BBS9: variants seen among roughly 807,000 people sequenced by gnomAD.
The protein encoded by BBS9 is protein PTHB1.
In BBS9, 89 loss-of-function variants were observed where a neutral mutation model predicts 117.7. The observed-to-expected ratio is 0.76, with a 90% CI of 0.64 to 0.90. The LOEUF (loss-of-function observed/expected upper bound fraction) is 0.90. BBS9 is among the 40% of genes least tolerant of loss of function. The probability of loss-of-function intolerance (pLI) is 0.00; values close to 1 mark genes in which losing one functional copy is unlikely to be tolerated. For synonymous variants in BBS9, 379 were observed against 370.9 expected, an observed-to-expected ratio of 1.02 and a Z score of -0.25; for missense variants, 982 against 1,042.2, an observed-to-expected ratio of 0.94 and a Z score of 0.80.
At chr7:33,629,318 T>C (rs2129227944) in intron 21 of BBS9, among the ~76,000 whole-genome samples, 1 of 152,346 alleles carries the variant, frequency 6.6e-6, no homozygotes, top group Middle Eastern at 3.4e-3. Context: ...GGGTTCTTGC[T>C]AAAATACTCT....
intron 1 of BBS9, among the ~76,000 whole-genome samples, chr7:33,141,822 C>A (rs1459345610): frequency 2.0e-5 from 3 of 151,930 alleles, no homozygotes; most frequent in African/African-American, 7.3e-5. Flanking sequence ...ATGATTTTGT[C>A]ATTTTGAGAG....
intron 21 of BBS9, among the ~76,000 whole-genome samples, chr7:33,553,890 G>A (rs931449122): frequency 5.3e-5 from 8 of 152,134 alleles, no homozygotes; most frequent in Non-Finnish European, 8.8e-5. Context: ...ATAATAAACA[G>A]CTATACAACT....
intron 21 of BBS9, among the ~76,000 whole-genome samples, chr7:33,538,252 A>C (rs1250881749): frequency 6.6e-6 from 1 of 152,260 alleles, no homozygotes; most frequent in Admixed American, 6.5e-5. Context: ...GATTTGATAA[A>C]TAAGATTAGG....
At chr7:33,176,071 C>G (rs1797290454) in intron 4 of BBS9, among the ~76,000 whole-genome samples, 1 of 152,124 alleles carries the variant, frequency 6.6e-6, no homozygotes, top group Non-Finnish European at 1.5e-5. Context: ...TACTCCTCTT[C>G]CTGGTACAAG....
chr7:33,306,107 T>C (rs1444090181), intron 9 of BBS9, among the ~76,000 whole-genome samples: 1 of 152,118 alleles, frequency 6.6e-6, no homozygotes. Flanking sequence ...CATTATCATT[T>C]GTTTCAAGAA....
chr7:33,503,315 G>A (rs747250105), intron 19 of BBS9, among the ~76,000 whole-genome samples: 12 of 152,140 alleles, frequency 7.9e-5, no homozygotes, highest in Non-Finnish European at 1.6e-4. Context: ...TTGCTGAGCC[G>A]CAGAGTTCTC....
At chr7:33,140,101 C>G (rs746889308) in intron 1 of BBS9, among the ~76,000 whole-genome samples, 1 of 152,118 alleles carries the variant, frequency 6.6e-6, no homozygotes, top group Non-Finnish European at 1.5e-5. Flanking sequence ...TCTTGGCTCA[C>G]TGCAAGCTCC....
intron 19 of BBS9, among the ~76,000 whole-genome samples, chr7:33,458,536 A>C (rs1174975855): frequency 6.6e-6 from 1 of 152,146 alleles, no homozygotes; most frequent in Non-Finnish European, 1.5e-5. Context: ...CTTTTTGCTA[A>C]AATAAGTAAC....
At chr7:33,581,278 A>G (rs887267537) in intron 21 of BBS9, among the ~76,000 whole-genome samples, 5 of 152,148 alleles carry the variant, frequency 3.3e-5, no homozygotes, top group Non-Finnish European at 5.9e-5. Flanking sequence ...ATAGCAGAGT[A>G]AGTTCTTCTC....
At chr7:33,172,250 G>T (rs182277128) in intron 4 of BBS9, among the ~76,000 whole-genome samples, 4 of 151,934 alleles carry the variant, frequency 2.6e-5, no homozygotes, top group Non-Finnish European at 4.4e-5. Flanking sequence ...ACATGGTGGC[G>T]GGCGCCTGTA....
intron 21 of BBS9, among the ~76,000 whole-genome samples, chr7:33,627,879 C>T (rs1441824478): frequency 6.6e-6 from 1 of 151,938 alleles, no homozygotes; most frequent in Non-Finnish European, 1.5e-5. Flanking sequence ...CCCATCTGTA[C>T]AAAAAAATAA....
upstream of BBS9, chr7:33,129,328 C>G: frequency 3.7e-6 from 2 of 540,998 alleles, no homozygotes; most frequent in Non-Finnish European, 6.6e-6. Context: ...GGAGGAGGGT[C>G]TTCCTTAAGG....
intron 15 of BBS9, among the ~76,000 whole-genome samples, chr7:33,356,840 C>A (rs919261163): frequency 1.3e-5 from 2 of 151,772 alleles, no homozygotes; most frequent in African/African-American, 4.8e-5. Context: ...CCTGACTCCT[C>A]TATAAAGAAA....
chr7:33,561,597 C>T (rs959853324), intron 21 of BBS9, among the ~76,000 whole-genome samples: 6 of 152,128 alleles, frequency 3.9e-5, no homozygotes, highest in South Asian at 2.1e-4. Flanking sequence ...AAAAATATGC[C>T]GTGCATCCAC....
intron 9 of BBS9, among the ~76,000 whole-genome samples, chr7:33,294,180 TATAA>T (rs1051308162): frequency 1.3e-5 from 2 of 152,174 alleles, no homozygotes; most frequent in Admixed American, 6.5e-5. Context: ...TAAGACTACT[TATAA>T]ATATTTTTCC....
chr7:33,405,851 C>T (rs1182304130), intron 19 of BBS9, among the ~76,000 whole-genome samples: 1 of 151,998 alleles, frequency 6.6e-6, no homozygotes, highest in African/African-American at 2.4e-5. Context: ...TCCTTCAGTT[C>T]TGCTCTGATT....
intron 4 of BBS9, among the ~76,000 whole-genome samples, chr7:33,173,000 T>C (rs1319693343): frequency 6.6e-6 from 1 of 152,232 alleles, no homozygotes; most frequent in African/African-American, 2.4e-5. Context: ...TGTAAATTTC[T>C]TTTGCAGAAG....
chr7:33,154,615 G>A, intron 3 of BBS9, among the ~76,000 whole-genome samples: 1 of 151,976 alleles, frequency 6.6e-6, no homozygotes, highest in East Asian at 1.9e-4. Flanking sequence ...ACAGGCACGT[G>A]CCACCATGCC....
At chr7:33,236,154 C>G (rs551500032) in intron 5 of BBS9, among the ~76,000 whole-genome samples, 1 of 151,692 alleles carries the variant, frequency 6.6e-6, no homozygotes, top group East Asian at 1.9e-4. Context: ...TGGAGAAACC[C>G]CATCTCTACT....
Sources: gnomAD v4.1 joint callset for allele counts (sites outside exome capture counted in the v4.1 genomes callset) on GRCh38, gnomAD v4.1.1 for gene constraint, MANE v1.5 for transcripts, NCBI Gene and HGNC (gene_info 2026-07-23, HGNC 2026-07-21) for gene names.